The following NECTIN3 variants were observed in gnomAD, a reference collection of about 807,000 sequenced individuals.
NECTIN3 encodes the protein nectin cell adhesion molecule 3.
A neutral mutation model predicts 49.4 loss-of-function variants in NECTIN3; 8 were observed. That is an observed-to-expected ratio of 0.16 (90% CI 0.10 to 0.29). The LOEUF is 0.29. Among genes scored for constraint, NECTIN3 ranks in the 10% least tolerant of loss-of-function variants. The probability of loss-of-function intolerance (pLI) is 1.00; values close to 1 mark genes in which losing one functional copy is unlikely to be tolerated. For synonymous variants in NECTIN3, 277 were observed against 241.1 expected (o/e 1.15, Z -1.38); for missense variants, 581 against 654.6 (o/e 0.89, Z 1.23).
chr3:111,167,582 A>G (rs1430838705), intron 7 of NECTIN3, among the ~76,000 whole-genome samples: 1 of 152,206 alleles, frequency 6.6e-6, no homozygotes, highest in Non-Finnish European at 1.5e-5. Context: ...TGCATTGTAG[A>G]TACGACTTAG....
intron 1 of NECTIN3, among the ~76,000 whole-genome samples, chr3:111,101,387 C>G (rs1334212313): frequency 6.6e-6 from 1 of 152,046 alleles, no homozygotes; most frequent in Non-Finnish European, 1.5e-5. Context: ...GTAGGATTAA[C>G]TTTATAGTTA....
intron 3 of NECTIN3, among the ~76,000 whole-genome samples, chr3:111,121,001 C>CTTTTTTTT (rs397954033): frequency 7.7e-6 from 1 of 129,558 alleles, no homozygotes; most frequent in African/African-American, 2.8e-5. Flanking sequence ...TTATTTCTTT[C>CTTTTTTTT]TTTTTTTTTT....
At chr3:111,075,040 GA>G (rs1306452491) in intron 1 of NECTIN3, 1 of 152,026 alleles carries the variant, frequency 6.6e-6, no homozygotes, top group East Asian at 1.9e-4. Context: ...GCACAGAAAA[GA>G]AGATCTGATA....
At chr3:111,165,480 T>C (rs188195089) in intron 7 of NECTIN3, among the ~76,000 whole-genome samples, 20 of 152,294 alleles carry the variant, frequency 1.3e-4, no homozygotes, top group Admixed American at 7.8e-4. Context: ...TCAAAATGAC[T>C]TTCCTGAAAG....
At chr3:111,181,271 A>G (rs984415740) in intron 7 of NECTIN3, among the ~76,000 whole-genome samples, 2 of 152,136 alleles carry the variant, frequency 1.3e-5, no homozygotes, top group Non-Finnish European at 2.9e-5. Flanking sequence ...TGTTTTTAAG[A>G]TTCACCCATG....
At chr3:111,159,963 G>A (rs1350390103) in intron 7 of NECTIN3, among the ~76,000 whole-genome samples, 3 of 152,124 alleles carry the variant, frequency 2.0e-5, no homozygotes, top group Non-Finnish European at 4.4e-5. Flanking sequence ...AATATTTAAA[G>A]TTCTCTGACT....
intron 2 of NECTIN3, among the ~76,000 whole-genome samples, chr3:111,117,908 T>C (rs1173194631): frequency 6.6e-6 from 1 of 152,028 alleles, no homozygotes; most frequent in African/African-American, 2.4e-5. Flanking sequence ...CTTTCTTATA[T>C]TGGAAGAAAA....
intron 1 of NECTIN3, among the ~76,000 whole-genome samples, chr3:111,089,937 G>A (rs2032161448): frequency 6.6e-6 from 1 of 152,002 alleles, no homozygotes; most frequent in Non-Finnish European, 1.5e-5. Flanking sequence ...AGGTTATGAG[G>A]TGCAATCAAA....
chr3:111,131,991 A>G (rs775118376), intron 5 of NECTIN3, among the ~76,000 whole-genome samples: 7 of 151,870 alleles, frequency 4.6e-5, no homozygotes, highest in Non-Finnish European at 8.9e-5. Flanking sequence ...TGACTTTCCC[A>G]GTACTTCTGC....
At chr3:111,155,112 ATTTTTAG>A (rs1299702904) in intron 7 of NECTIN3, among the ~76,000 whole-genome samples, 1 of 152,124 alleles carries the variant, frequency 6.6e-6, no homozygotes, top group East Asian at 1.9e-4. Flanking sequence ...TAATTTTTGT[ATTTTTAG>A]GAGAGACGGG....
intron 1 of NECTIN3, among the ~76,000 whole-genome samples, chr3:111,100,668 A>G (rs2032855652): frequency 6.6e-6 from 1 of 152,134 alleles, no homozygotes; most frequent in Non-Finnish European, 1.5e-5. Flanking sequence ...TAGGATTAAA[A>G]CTCATTTAAA....
At chr3:111,160,206 A>G (rs2035181390) in intron 7 of NECTIN3, among the ~76,000 whole-genome samples, 1 of 152,146 alleles carries the variant, frequency 6.6e-6, no homozygotes, top group East Asian at 1.9e-4. Flanking sequence ...GTCTGCTTCC[A>G]TTTCTGCATG....
intron 7 of NECTIN3, among the ~76,000 whole-genome samples, chr3:111,148,672 C>G (rs562053296): frequency 6.6e-6 from 1 of 151,864 alleles, no homozygotes; most frequent in Admixed American, 6.6e-5. Flanking sequence ...TTTTCATGAT[C>G]GATTGGTTAT....
chr3:111,072,505 AC>A, intron 1 of NECTIN3: 1 of 1,535,120 alleles, frequency 6.5e-7, no homozygotes, highest in Non-Finnish European at 8.7e-7. Flanking sequence ...TTCTCTGGGA[AC>A]CCTCGTAGGT....
chr3:111,165,211 T>C (rs1010583049), intron 7 of NECTIN3, among the ~76,000 whole-genome samples: 3 of 151,858 alleles, frequency 2.0e-5, no homozygotes, highest in African/African-American at 2.4e-5. Flanking sequence ...GCCCAGCTAA[T>C]TTTTTGTATT....
chr3:111,110,932 T>C (rs1250832505), intron 1 of NECTIN3, among the ~76,000 whole-genome samples: 3 of 152,036 alleles, frequency 2.0e-5, no homozygotes, highest in African/African-American at 7.2e-5. Flanking sequence ...TATTTGGATG[T>C]GTTTGAACAT....
intron 1 of NECTIN3, among the ~76,000 whole-genome samples, chr3:111,085,483 A>G (rs1339703985): frequency 6.6e-6 from 1 of 152,200 alleles, no homozygotes; most frequent in Non-Finnish European, 1.5e-5. Flanking sequence ...ATGAACTGTT[A>G]AAATGTGAGG....
chr3:111,078,581 T>A (rs2031390396), intron 1 of NECTIN3, among the ~76,000 whole-genome samples: 1 of 152,100 alleles, frequency 6.6e-6, no homozygotes. Context: ...CTAAACAAAT[T>A]CTTTGGTGTA....
intron 1 of NECTIN3, among the ~76,000 whole-genome samples, chr3:111,108,612 G>T (rs1177142680): frequency 6.6e-6 from 1 of 152,106 alleles, no homozygotes; most frequent in Non-Finnish European, 1.5e-5. Flanking sequence ...GCTTATTTTG[G>T]CTCACCATTC....
Sources: gnomAD v4.1 joint callset for allele counts (sites outside exome capture counted in the v4.1 genomes callset) on GRCh38, gnomAD v4.1.1 for gene constraint, MANE v1.5 for transcripts, NCBI Gene and HGNC (gene_info 2026-07-23, HGNC 2026-07-21) for gene names.